VTA1: variants seen among roughly 807,000 people sequenced by gnomAD.
The protein encoded by VTA1 is vesicle trafficking 1, also known as vacuolar protein sorting-associated protein VTA1 homolog.
Under a neutral mutation model 36.9 loss-of-function variants are expected in VTA1, and 24 were observed. The observed-to-expected ratio is 0.65, with a 90% CI of 0.47 to 0.91. The LOEUF (loss-of-function observed/expected upper bound fraction) is 0.91. VTA1 is among the 40% of genes least tolerant of loss of function. The probability of loss-of-function intolerance (pLI) is 0.00; values close to 1 mark genes in which losing one functional copy is unlikely to be tolerated. For missense variants in VTA1, 393 were observed against 377.2 expected (o/e 1.04, Z -0.35); for synonymous variants, 142 against 130.2 (o/e 1.09, Z -0.62).
intron 6 of VTA1, among the ~76,000 whole-genome samples, chr6:142,202,729 G>T (rs1043470572): frequency 6.6e-6 from 1 of 151,928 alleles, no homozygotes; most frequent in African/African-American, 2.4e-5. Context: ...TTGTAGGTGG[G>T]TGGAAAGGTG....
intron 6 of VTA1, among the ~76,000 whole-genome samples, chr6:142,200,614 A>G (rs1005102948): frequency 9.9e-5 from 15 of 151,998 alleles, no homozygotes; most frequent in Non-Finnish European, 4.4e-5. Flanking sequence ...CAAAAATGAT[A>G]AAGTATTGAT....
intron 3 of VTA1, among the ~76,000 whole-genome samples, 200 bp from the exon 4 acceptor site, chr6:142,170,146 G>A (rs1443208369): frequency 2.0e-5 from 3 of 152,102 alleles, no homozygotes; most frequent in Admixed American, 2.0e-4. Flanking sequence ...GCATTTACTT[G>A]TAATGTGAGT....
At chr6:142,194,539 TA>T (rs1775511821) in intron 5 of VTA1, among the ~76,000 whole-genome samples, 1 of 152,194 alleles carries the variant, frequency 6.6e-6, no homozygotes, top group South Asian at 2.1e-4. Flanking sequence ...ATTAATTTTT[TA>T]ATTTGGTTTT....
chr6:142,189,573 A>G (rs754329624), intron 5 of VTA1, 39 bp downstream of exon 5: 20 of 1,528,428 alleles, frequency 1.3e-5, no homozygotes, highest in Non-Finnish European at 1.7e-5. Flanking sequence ...GACTTAGTAG[A>G]ATCATAATTA....
chr6:142,179,727 TATTAA>T (rs1269016932), intron 4 of VTA1, among the ~76,000 whole-genome samples: 4 of 152,322 alleles, frequency 2.6e-5, no homozygotes, highest in Admixed American at 6.5e-5. Flanking sequence ...TTTGTCACAA[TATTAA>T]ATTGTGCACT....
rs972921799 is a variant in VTA1, at chr6:142,224,069, C to G, written c.*5426C>G. On this transcript the variant is annotated 3_prime_UTR_variant, in exon 8 of 8. Coordinates refer to ENST00000367630, the MANE Select transcript of VTA1 (RefSeq NM_016485.5). Reference sequence around the variant, plus strand: ...TCTCCAGTGTGTCTGTGTTCAGAGGCAGGTCCCATAGGGAGGCAATTAAGG... The same window carrying G: ...TCTCCAGTGTGTCTGTGTTCAGAGGGAGGTCCCATAGGGAGGCAATTAAGG... The G allele has an allele frequency of 6.6e-6, 1 of 152,132 alleles. No individual in the cohort carries two copies. The allele number at this position is 152,132 out of a possible 1,614,324, so 9.4% of individuals were successfully genotyped here.
chr6:142,185,151 T>A (rs1457111045), intron 4 of VTA1, among the ~76,000 whole-genome samples: 6 of 152,176 alleles, frequency 3.9e-5, no homozygotes. Flanking sequence ...CTGTTTTTTC[T>A]TTATTCTCTG....
chr6:142,184,657 A>G (rs1775306804), intron 4 of VTA1, among the ~76,000 whole-genome samples: 1 of 152,258 alleles, frequency 6.6e-6, no homozygotes, highest in Middle Eastern at 3.4e-3. Flanking sequence ...AGAGAATAGC[A>G]TAAGAAGAGA....
intron 5 of VTA1, 60 bp from the exon 6 acceptor site, chr6:142,198,379 A>G (rs770866732): frequency 1.3e-6 from 2 of 1,496,712 alleles, no homozygotes; most frequent in Non-Finnish European, 1.8e-6. Context: ...TGAAATAAGA[A>G]TACCTAGCAC....
intron 7 of VTA1, 73 bp from the exon 8 acceptor site, chr6:142,218,419 TTAAGCA>T (rs1382331062): frequency 3.0e-5 from 43 of 1,448,104 alleles, no homozygotes; most frequent in Non-Finnish European, 3.9e-5. Flanking sequence ...TTTTTTAATC[TTAAGCA>T]TAAGCATTTG....
chr6:142,148,523 C>T (rs1404366061), intron 1 of VTA1, among the ~76,000 whole-genome samples: 1 of 152,160 alleles, frequency 6.6e-6, no homozygotes, highest in Non-Finnish European at 1.5e-5. Context: ...GGTCCATATT[C>T]ATTCAGTATG....
At chr6:142,171,982 A>G (rs1310274972) in intron 4 of VTA1, among the ~76,000 whole-genome samples, 1 of 152,206 alleles carries the variant, frequency 6.6e-6, no homozygotes, top group Non-Finnish European at 1.5e-5. Flanking sequence ...AAAGTTGTAC[A>G]GGACATTTCA....
chr6:142,198,503 A>G lies in VTA1; in HGVS notation c.585A>G (p.Ser195=), dbSNP rs1225413483. ...CCACTCAGCCAACTCAGCCATCATC[A>G]TCTTCAACTTATGACCCAAGCAACA... The part of the protein sequence containing the change: ...SLPTQPTQPS[S]SSTYDPSNMP... Residue 195 remains serine, a synonymous_variant, in exon 6 of 8, where the codon TCA becomes TCG. Coordinates refer to ENST00000367630, the MANE Select transcript of VTA1 (RefSeq NM_016485.5). The G allele has an allele frequency of 3.1e-6, 5 of 1,614,054 alleles. No individual in the cohort carries two copies. The highest frequency in any genetic ancestry group is 1.3e-5 in the African/African-American group (1 of 74,948).
chr6:142,181,095 ATATATATATAT>A (rs1237730589), intron 4 of VTA1, among the ~76,000 whole-genome samples: 1 of 35,262 alleles, frequency 2.8e-5, no homozygotes, highest in African/African-American at 1.1e-4. Flanking sequence ...AAAAAAAAAA[ATATATATATAT>A]ATATATATAT....
At chr6:142,160,161 TG>T (rs779394491) in intron 1 of VTA1, among the ~76,000 whole-genome samples, 19 of 152,306 alleles carry the variant, frequency 1.2e-4, no homozygotes, top group Non-Finnish European at 2.2e-4. Flanking sequence ...TTTTGTGTAT[TG>T]TTTTTTTGTT....
intron 7 of VTA1, among the ~76,000 whole-genome samples, chr6:142,207,284 T>C (rs1041469231): frequency 3.9e-5 from 6 of 152,104 alleles, no homozygotes; most frequent in African/African-American, 1.4e-4. Flanking sequence ...CCCCACCTCC[T>C]TGGGTTCCCT....
At position 142,219,451 on chromosome 6, in the gene VTA1, A is replaced by G. The variant is rs1472244213; in HGVS notation, c.*808A>G. On this transcript the variant is annotated 3_prime_UTR_variant, in exon 8 of 8. Transcript: ENST00000367630. ...TGCTGCTGTAGAATGGATTCCACAC[A>G]GTGGATAGCTATGGGTGATTCAGAA... 2 of 152,316 alleles carry G rather than the reference A, an allele frequency of 1.3e-5. No homozygotes were observed. The highest frequency in any genetic ancestry group is 4.8e-5 in the African/African-American group (2 of 41,582). 9.4% of individuals were successfully genotyped at this position (152,316 alleles called of 1,614,324 possible). A position where few individuals can be genotyped will look rare whatever the true frequency, so the allele number is the denominator to read the frequency against.
intron 5 of VTA1, among the ~76,000 whole-genome samples, chr6:142,193,328 G>T (rs1775488797): frequency 6.6e-6 from 1 of 152,024 alleles, no homozygotes; most frequent in African/African-American, 2.4e-5. Flanking sequence ...GATCACTTGG[G>T]TAATGTGGTG....
chr6:142,192,404 G>A (rs1455339971), intron 5 of VTA1, among the ~76,000 whole-genome samples: 1 of 151,918 alleles, frequency 6.6e-6, no homozygotes, highest in Non-Finnish European at 1.5e-5. Context: ...GGTTTTTTGG[G>A]ATGTAACACC....
Sources: allele counts gnomAD v4.1 joint callset (sites outside exome capture counted in the v4.1 genomes callset), GRCh38; gene constraint gnomAD v4.1.1; transcripts MANE v1.5; gene names NCBI Gene and HGNC (gene_info 2026-07-23, HGNC 2026-07-21).